ATP8A2: variants seen among roughly 807,000 people sequenced by gnomAD.
The protein encoded by ATP8A2 is ATPase phospholipid transporting 8A2, also known as phospholipid-transporting ATPase IB.
ATP8A2 carries 100 observed loss-of-function variants against 165.6 expected under a neutral mutation model. That is an observed-to-expected ratio of 0.60 (90% CI 0.51 to 0.71). ATP8A2 has a LOEUF of 0.71. ATP8A2 is among the 30% of genes least tolerant of loss of function. The pLI is 0.00. For synonymous variants in ATP8A2, 543 were observed against 548.8 expected (o/e 0.99, Z 0.15); for missense variants, 1,227 against 1,479.5 (o/e 0.83, Z 2.80).
chr13:25,517,817 G>T (rs1232511269), intron 2 of ATP8A2, among the ~76,000 whole-genome samples: 1 of 152,236 alleles, frequency 6.6e-6, no homozygotes, highest in Non-Finnish European at 1.5e-5. Flanking sequence ...CCTTTTATTT[G>T]TAACTGGTGA....
In ATP8A2 at chr13:25,855,743, A is replaced by G. The variant is rs138298469; in HGVS notation, c.2957-4452A>G. Among the ~76,000 whole-genome samples, 15 of 152,306 alleles carry G rather than the reference A, an allele frequency of 9.8e-5. No homozygotes were observed. In the East Asian group the frequency reaches 2.9e-3, roughly 29 times the overall value. On this transcript the variant is annotated intron_variant, in intron 30 of 36. Coordinates refer to ENST00000381655, the MANE Select transcript of ATP8A2 (RefSeq NM_016529.6). The stretch of plus-strand genomic sequence containing the variant: ...ATAACGCTCTGAGGAACTGCCTCAC[A>G]GTTTTCCAGGGTTTGCACCGTTTTA...
At position 25,551,514 on chromosome 13, in the gene ATP8A2, G is replaced by A; in HGVS notation, c.1057+11G>A. The A allele has an allele frequency of 6.3e-7, 1 of 1,588,210 alleles. No homozygotes were observed. The highest frequency in any genetic ancestry group is 8.6e-7 in the Non-Finnish European group (1 of 1,161,422). On this transcript the variant is annotated intron_variant, in intron 11 of 36. Transcript: ENST00000381655. ...ACATCAAGAAGATGGGTAAGTGTCG[G>A]GGTGGGTTGCTTGTTCCAGTGGAAG...
chr13:25,745,498 C>T (rs1291808916), intron 25 of ATP8A2, among the ~76,000 whole-genome samples: 1 of 152,162 alleles, frequency 6.6e-6, no homozygotes, highest in Non-Finnish European at 1.5e-5. Flanking sequence ...TTTGATTTGG[C>T]ATCATTTTCA....
intron 2 of ATP8A2, among the ~76,000 whole-genome samples, chr13:25,526,897 C>T (rs1013824649): frequency 1.3e-5 from 2 of 152,132 alleles, no homozygotes; most frequent in African/African-American, 4.8e-5. Flanking sequence ...GGAAGCTGCC[C>T]GTCACCTTGA....
intron 33 of ATP8A2, among the ~76,000 whole-genome samples, chr13:25,934,941 G>T (rs1014663976): frequency 6.6e-6 from 1 of 152,208 alleles, no homozygotes; most frequent in Non-Finnish European, 1.5e-5. Flanking sequence ...GGCAAGACCA[G>T]GAGTGGACTC....
At position 26,022,554 on chromosome 13, in the gene ATP8A2, A is replaced by G. The variant is rs1199543335; in HGVS notation, c.*2569A>G. 2 of 152,234 alleles carry G rather than the reference A, an allele frequency of 1.3e-5. No homozygotes were observed. Among genetic ancestry groups the G allele is most frequent in the African/African-American group, 2.4e-5 (1 of 41,462 alleles). 9.4% of individuals were successfully genotyped at this position (152,234 alleles called of 1,614,324 possible). The stretch of plus-strand genomic sequence containing the variant: ...AAAACATTAGAAGAGATGCCTTTCT[A>G]TCCTCTCATGTGGTTGAGCATTCTT... On this transcript the variant is annotated 3_prime_UTR_variant, in exon 37 of 37. Transcript: ENST00000381655.
At chr13:25,941,898 T>G (rs1223336384) in intron 33 of ATP8A2, among the ~76,000 whole-genome samples, 4 of 152,234 alleles carry the variant, frequency 2.6e-5, no homozygotes, top group Non-Finnish European at 4.4e-5. Context: ...TATATGAGTC[T>G]CCTTCGTTGT....
chr13:25,811,069 A>G (rs1038666031), intron 27 of ATP8A2, among the ~76,000 whole-genome samples: 2 of 92 alleles, frequency 0.022, no homozygotes, highest in African/African-American at 0.033. Flanking sequence ...CCTTAAAAGA[A>G]AAAAAAAAAT....
chr13:25,719,177 C>T (rs2043318880), intron 25 of ATP8A2, among the ~76,000 whole-genome samples: 1 of 152,194 alleles, frequency 6.6e-6, no homozygotes, highest in Non-Finnish European at 1.5e-5. Flanking sequence ...GAATGTCTTG[C>T]TATTTCATTT....
intron 1 of ATP8A2, among the ~76,000 whole-genome samples, chr13:25,457,322 C>T (rs1335080464): frequency 6.6e-6 from 1 of 152,114 alleles, no homozygotes; most frequent in African/African-American, 2.4e-5. Context: ...TTTATTATTT[C>T]AGGAAACTCT....
intron 24 of ATP8A2, among the ~76,000 whole-genome samples, chr13:25,655,089 A>G (rs181986276): frequency 2.6e-5 from 4 of 152,312 alleles, no homozygotes; most frequent in African/African-American, 9.6e-5. Context: ...TTTACATTCT[A>G]CATTGAGGAA....
At chr13:25,776,611 A>G (rs1189143896) in intron 27 of ATP8A2, among the ~76,000 whole-genome samples, 1 of 152,048 alleles carries the variant, frequency 6.6e-6, no homozygotes, top group Non-Finnish European at 1.5e-5. Context: ...TTTGGCACTT[A>G]AAGGTGTTTG....
In ATP8A2 at chr13:26,022,851, C is replaced by T. The variant is rs1012019521; in HGVS notation, c.*2866C>T. On this transcript the variant is annotated 3_prime_UTR_variant, in exon 37 of 37. Coordinates refer to ENST00000381655, the MANE Select transcript of ATP8A2 (RefSeq NM_016529.6). ...GACTCACGGGCTGGCAGGTCACGCT[C>T]GGTTAGCGCTCCAGGGCCTGACTCT... 5.2e-5 allele frequency: 8 copies of T among 152,404 alleles called. No individual in the cohort carries two copies. Among genetic ancestry groups the T allele is most frequent in the Admixed American group, 5.2e-4 (8 of 15,304 alleles). 9.4% of individuals were successfully genotyped at this position (152,404 alleles called of 1,614,324 possible).
At chr13:25,999,193 AC>A (rs1216738905) in intron 35 of ATP8A2, among the ~76,000 whole-genome samples, 2 of 152,184 alleles carry the variant, frequency 1.3e-5, no homozygotes, top group Non-Finnish European at 2.9e-5. Context: ...GAAAAACATA[AC>A]AAAAAGTGTA....
intron 1 of ATP8A2, among the ~76,000 whole-genome samples, chr13:25,465,181 ATGTGCTTTGC>A (rs2035601288): frequency 6.6e-6 from 1 of 152,178 alleles, no homozygotes; most frequent in African/African-American, 2.4e-5. Context: ...CTTAGTCATA[ATGTGCTTTGC>A]TGTAGATGGT....
chr13:25,764,194 A>G (rs1399691636), intron 25 of ATP8A2, among the ~76,000 whole-genome samples: 1 of 152,168 alleles, frequency 6.6e-6, no homozygotes, highest in Non-Finnish European at 1.5e-5. Flanking sequence ...TGTCATTACG[A>G]AAAACAACTT....
At chr13:25,867,514 G>C (rs1227569461) in intron 33 of ATP8A2, among the ~76,000 whole-genome samples, 2 of 152,134 alleles carry the variant, frequency 1.3e-5, no homozygotes, top group Admixed American at 6.5e-5. Context: ...GGTCAGGAGA[G>C]GACTTGTTTT....
At chr13:26,017,579 T>G (rs960528122) in intron 36 of ATP8A2, among the ~76,000 whole-genome samples, 1 of 152,222 alleles carries the variant, frequency 6.6e-6, no homozygotes, top group Non-Finnish European at 1.5e-5. Flanking sequence ...GAGGTTTCCT[T>G]GTCCCTGCTG....
At chr13:25,861,772 A>G (rs1952360305) in intron 32 of ATP8A2, among the ~76,000 whole-genome samples, 1 of 152,228 alleles carries the variant, frequency 6.6e-6, no homozygotes, top group African/African-American at 2.4e-5. Flanking sequence ...GGATCATCAC[A>G]TTAAGAGGAC....
Sources: gnomAD v4.1 joint callset for allele counts (sites outside exome capture counted in the v4.1 genomes callset) on GRCh38, gnomAD v4.1.1 for gene constraint, MANE v1.5 for transcripts, NCBI Gene and HGNC (gene_info 2026-07-23, HGNC 2026-07-21) for gene names.